The following MCU variants were observed in gnomAD, a reference collection of about 807,000 sequenced individuals.
The protein encoded by MCU is mitochondrial calcium uniporter, also known as calcium uniporter protein, mitochondrial.
In MCU, 12 loss-of-function variants were observed where a neutral mutation model predicts 45.2. The ratio of observed to expected loss-of-function variants is 0.27; its 90% confidence interval spans 0.17 to 0.43. MCU has a LOEUF of 0.43. Among genes scored for constraint, MCU ranks in the 20% least tolerant of loss-of-function variants. MCU has a pLI of 1.00. For missense variants in MCU, 324 were observed against 436.7 expected (o/e 0.74, Z 2.30); for synonymous variants, 160 against 165.1 (o/e 0.97, Z 0.24).
intron 1 of MCU, among the ~76,000 whole-genome samples, chr10:72,748,068 G>C (rs548833588): frequency 7.0e-6 from 1 of 142,996 alleles, no homozygotes; most frequent in Admixed American, 7.0e-5. Context: ...TTTTTTTTGA[G>C]ACGGAGTCTT....
chr10:72,861,780 A>G (rs1488775681), intron 4 of MCU: 1 of 297,062 alleles, frequency 3.4e-6, no homozygotes, highest in Non-Finnish European at 6.6e-6. Flanking sequence ...TATAGCCGTG[A>G]GTCACCGCAC....
At chr10:72,739,295 C>T (rs770103732) in intron 1 of MCU, among the ~76,000 whole-genome samples, 14 of 152,156 alleles carry the variant, frequency 9.2e-5, no homozygotes, top group Non-Finnish European at 1.8e-4. Flanking sequence ...CCGTTCCTTT[C>T]AGTGCACTTT....
intron 4 of MCU, chr10:72,861,925 T>C (rs1845383100): frequency 3.7e-6 from 1 of 266,900 alleles, no homozygotes; most frequent in Admixed American, 5.2e-5. Flanking sequence ...GCCTCTACTA[T>C]GGCTCTGCAC....
chr10:72,873,800 CT>C (rs1159504040), intron 6 of MCU, among the ~76,000 whole-genome samples: 11 of 152,270 alleles, frequency 7.2e-5, no homozygotes, highest in Admixed American at 5.2e-4. Flanking sequence ...GGGGGATCTA[CT>C]TTCATTCTTC....
chr10:72,740,363 G>GTTTTTTTT (rs1843310074), intron 1 of MCU, among the ~76,000 whole-genome samples: 1 of 148,806 alleles, frequency 6.7e-6, no homozygotes. Flanking sequence ...TGACAACAGA[G>GTTTTTTTT]TGAGACTCTG....
intron 1 of MCU, among the ~76,000 whole-genome samples, chr10:72,716,765 G>A (rs930135360): frequency 5.3e-5 from 8 of 151,792 alleles, no homozygotes; most frequent in Admixed American, 3.3e-4. Flanking sequence ...ATGGCTACTC[G>A]GGAGGCTGAG....
intron 1 of MCU, among the ~76,000 whole-genome samples, chr10:72,792,501 G>C (rs1844177256): frequency 6.6e-6 from 1 of 152,150 alleles, no homozygotes; most frequent in Non-Finnish European, 1.5e-5. Context: ...TCAGAGTTCA[G>C]CCTTCAGTTC....
intron 4 of MCU, among the ~76,000 whole-genome samples, chr10:72,860,810 C>T (rs1246004907): frequency 5.9e-5 from 9 of 152,126 alleles, no homozygotes; most frequent in Non-Finnish European, 8.8e-5. Flanking sequence ...ATAACTGAAG[C>T]CCCTTCCCTT....
intron 1 of MCU, among the ~76,000 whole-genome samples, chr10:72,807,233 T>C (rs1040243403): frequency 1.3e-5 from 2 of 152,218 alleles, no homozygotes; most frequent in Non-Finnish European, 2.9e-5. Flanking sequence ...GGAAAGAAGA[T>C]GCATTGACAG....
chr10:72,820,977 A>T (rs1301752412), intron 1 of MCU, among the ~76,000 whole-genome samples: 1 of 151,916 alleles, frequency 6.6e-6, no homozygotes, highest in African/African-American at 2.4e-5. Context: ...GCCCTTTAAC[A>T]GCTCAGTATT....
At chr10:72,734,935 TG>T (rs1272921488) in intron 1 of MCU, among the ~76,000 whole-genome samples, 1 of 152,018 alleles carries the variant, frequency 6.6e-6, no homozygotes, top group Non-Finnish European at 1.5e-5. Flanking sequence ...AAAAATTAGC[TG>T]GGTGTGGTGG....
chr10:72,818,970 A>G (rs1844668139), intron 1 of MCU, among the ~76,000 whole-genome samples: 1 of 152,152 alleles, frequency 6.6e-6, no homozygotes, highest in Non-Finnish European at 1.5e-5. Context: ...TTTTAGAAAC[A>G]TTAATTCAGT....
chr10:72,841,573 C>CA (rs1346912670), intron 2 of MCU, among the ~76,000 whole-genome samples: 3 of 152,158 alleles, frequency 2.0e-5, no homozygotes, highest in Non-Finnish European at 4.4e-5. Context: ...TCTGGGATTA[C>CA]AGGCGTGAAC....
intron 4 of MCU, 134 bp from the exon 5 acceptor site, chr10:72,868,569 A>T: frequency 7.4e-6 from 5 of 673,410 alleles, no homozygotes; most frequent in Non-Finnish European, 7.2e-6. Context: ...AAAAAAAAAG[A>T]GAGCTATTAC....
intron 6 of MCU, among the ~76,000 whole-genome samples, chr10:72,874,821 C>G (rs998232208): frequency 2.0e-5 from 3 of 152,162 alleles, no homozygotes; most frequent in African/African-American, 7.2e-5. Context: ...TGATATATCT[C>G]TTGCTGATTA....
At chr10:72,797,255 A>T (rs1844264206) in intron 1 of MCU, among the ~76,000 whole-genome samples, 1 of 144,376 alleles carries the variant, frequency 6.9e-6, no homozygotes, top group Admixed American at 7.1e-5. Context: ...ACGGGATCTC[A>T]CTCTGTCACC....
At chr10:72,702,391 T>C (rs1842769192) in intron 1 of MCU, among the ~76,000 whole-genome samples, 1 of 152,178 alleles carries the variant, frequency 6.6e-6, no homozygotes, top group Non-Finnish European at 1.5e-5. Context: ...TCTGGCAAAA[T>C]ACTATTCCCA....
At chr10:72,878,533 G>A (rs888401040) in intron 6 of MCU, among the ~76,000 whole-genome samples, 2 of 152,162 alleles carry the variant, frequency 1.3e-5, no homozygotes, top group Non-Finnish European at 2.9e-5. Context: ...GGTATTATCA[G>A]ACATAGCCTT....
chr10:72,787,937 G>A (rs1041706192), intron 1 of MCU, among the ~76,000 whole-genome samples: 1 of 151,990 alleles, frequency 6.6e-6, no homozygotes, highest in African/African-American at 2.4e-5. Flanking sequence ...GGCTGGCCTC[G>A]AACTCCTGAC....
Sources: allele counts gnomAD v4.1 joint callset (sites outside exome capture counted in the v4.1 genomes callset), GRCh38; gene constraint gnomAD v4.1.1; transcripts MANE v1.5; gene names NCBI Gene and HGNC (gene_info 2026-07-23, HGNC 2026-07-21).